DST: variants seen among roughly 807,000 people sequenced by gnomAD.
DST encodes dystonin.
A neutral mutation model predicts 875.2 loss-of-function variants in DST; 253 were observed. The ratio of observed to expected loss-of-function variants is 0.29; its 90% confidence interval spans 0.26 to 0.32. The LOEUF (loss-of-function observed/expected upper bound fraction) is 0.32, where lower values mean the gene tolerates loss of function less well. Ranked by LOEUF, DST falls within the 10% of genes least tolerant of loss-of-function variation. The pLI is 1.00. For missense variants in DST, 8,287 were observed against 9,111.6 expected, an observed-to-expected ratio of 0.91 and a Z score of 3.68; for synonymous variants, 3,124 against 3,197.1, an observed-to-expected ratio of 0.98 and a Z score of 0.77.
At chr6:56,615,248 T>C in intron 36 of DST, 1 of 1,217,368 alleles carries the variant, frequency 8.2e-7, no homozygotes. Flanking sequence ...TATCCCACAT[T>C]CTACGTAAAA....
chr6:56,633,824 A>G (rs141940153), intron 27 of DST, among the ~76,000 whole-genome samples: 36 of 152,324 alleles, frequency 2.4e-4, no homozygotes, highest in Middle Eastern at 6.8e-3. Flanking sequence ...TTTTAACGAC[A>G]AAGAAAAACA....
intron 5 of DST, among the ~76,000 whole-genome samples, chr6:56,721,113 C>A (rs1487749633): frequency 6.6e-6 from 1 of 151,374 alleles, no homozygotes; most frequent in Admixed American, 6.6e-5. Flanking sequence ...GGCGCCCCCC[C>A]ACCTCCCAGA....
chr6:56,578,932 C>T lies in DST; in HGVS notation c.12909G>A (p.Leu4303=). The change falls in exon 50 of 104, where the codon TTG becomes TTA. Residue 4303 remains leucine, a synonymous_variant. Coordinates refer to ENST00000680361, the MANE Select transcript of DST (RefSeq NM_001374736.1). Reference sequence around the variant, plus strand: ...CCTGCTGACTTGATATCTGTCCTTGCAAAGCCTGTAGGATTAAACGCTTTT... The same window carrying T: ...CCTGCTGACTTGATATCTGTCCTTGTAAAGCCTGTAGGATTAAACGCTTTT... ...LQRQLEETKA[L]QGQISSQQVA... The T allele has an allele frequency of 6.3e-7, 1 of 1,592,988 alleles. No individual in the cohort carries two copies. Among genetic ancestry groups the T allele is most frequent in the Non-Finnish European group, 8.6e-7 (1 of 1,168,560 alleles).
chr6:56,800,638 T>A (rs1259050227), intron 4 of DST, among the ~76,000 whole-genome samples: 1 of 152,098 alleles, frequency 6.6e-6, no homozygotes, highest in African/African-American at 2.4e-5. Context: ...CAAAAAGTTG[T>A]AGAGAAGCAT....
At position 56,606,402 on chromosome 6, in the gene DST, A is replaced by G. The variant is rs1356831320; in HGVS notation, c.8226T>C (p.Thr2742=). 3 of 1,613,290 alleles carry G rather than the reference A, an allele frequency of 1.9e-6. No individual in the cohort carries two copies. Among genetic ancestry groups the G allele is most frequent in the Non-Finnish European group, 1.7e-6 (2 of 1,179,600 alleles). The part of the protein sequence containing the change: ...ILEGDESDSL[T]DYDIVGGKES... ...CTTTTCCTCCTACAATATCATAATC[A>G]GTCAATGAGTCAGATTCATCACCTT... Residue 2742 remains threonine, a synonymous_variant, in exon 40 of 104, where the codon ACT becomes ACC. Coordinates refer to ENST00000680361, the MANE Select transcript of DST (RefSeq NM_001374736.1).
chr6:56,485,839 T>C (rs1288917596), intron 87 of DST, among the ~76,000 whole-genome samples: 1 of 152,168 alleles, frequency 6.6e-6, no homozygotes, highest in Non-Finnish European at 1.5e-5. Context: ...AACACATGTA[T>C]AGATTCACGT....
At chr6:56,910,050 C>T (rs1269986645) in intron 2 of DST, among the ~76,000 whole-genome samples, 1 of 152,166 alleles carries the variant, frequency 6.6e-6, no homozygotes, top group Non-Finnish European at 1.5e-5. Context: ...CAAAATATTA[C>T]CTTTTTAAAA....
chr6:56,608,444 C>G lies in DST; in HGVS notation c.6184G>C (p.Val2062Leu). 1.2e-6 allele frequency: 2 copies of G among 1,613,682 alleles called. No homozygotes were observed. The highest frequency in any genetic ancestry group is 1.7e-6 in the Non-Finnish European group (2 of 1,179,754). ...ACATAGCCTCGCTGAGCTTCCAGGA[C>G]CAGAAGAGCACTGCTGGAAGTTATT... ...DLITSSSALL[V>L]LEAQRGYVGL... Residue 2062 changes from valine (V) to leucine (L), a missense_variant, in exon 40 of 104, where the codon GTC becomes CTC. Around this residue, in one of 10 missense-constraint regions of DST, gnomAD observed 3,138 missense variants for 3,116.6 expected, o/e 1.01. Coordinates refer to ENST00000680361, the MANE Select transcript of DST (RefSeq NM_001374736.1).
chr6:56,560,149 C>T, intron 58 of DST, 145 bp downstream of exon 58: 1 of 767,718 alleles, frequency 1.3e-6, no homozygotes, highest in Non-Finnish European at 1.9e-6. Flanking sequence ...TTTGAAATGA[C>T]ACTTTATGCA....
Position 56,837,112 on chromosome 6 carries a change from G to C in DST, c.625+14285C>G, listed in dbSNP as rs140289230. ...TACTTAAAGCGCTCTACATTAAATA[G>C]AGCATTCCAGTTTTCTAGGGCACAC... On this transcript the variant is annotated intron_variant, in intron 4 of 103. Transcript: ENST00000680361. Among the ~76,000 whole-genome samples, 305 of 152,162 alleles carry C rather than the reference G, an allele frequency of 2.0e-3. 4 individuals are homozygous for C. The highest frequency in any genetic ancestry group is 0.017 in the Admixed American group (265 of 15,292).
At chr6:56,530,226 A>G (rs998722675) in intron 64 of DST, 93 bp from the exon 65 acceptor site, 4 of 940,250 alleles carry the variant, frequency 4.3e-6, no homozygotes, top group Non-Finnish European at 5.8e-6. Context: ...TATTCTAAAC[A>G]TTTTCTGTAG....
rs1275672724 is a variant in DST at position 56,610,510 on chromosome 6, C to T, written c.5200G>A (p.Glu1734Lys). 6 of 1,565,640 alleles carry T rather than the reference C, an allele frequency of 3.8e-6. No homozygotes were observed. The Admixed American group carries it at 9.5e-5, about 25-fold the overall frequency. Residue 1734 changes from glutamate (E) to lysine (K), a missense_variant, in exon 39 of 104, where the codon GAA (glutamate) becomes AAA (lysine). Transcript: ENST00000680361. ...ELEKQVKTLQESYNLLFSESL... is the reference protein window; with the variant it reads ...ELEKQVKTLQKSYNLLFSESL... ...TCACTGAATAATAAATTATAACTTT[C>T]CTGAAGAGTTTTCACTTGTTTTTCC...
At chr6:56,828,483 ACTTCTG>A (rs1414050490) in intron 4 of DST, among the ~76,000 whole-genome samples, 2 of 152,086 alleles carry the variant, frequency 1.3e-5, no homozygotes, top group African/African-American at 2.4e-5. Flanking sequence ...TGATATCACT[ACTTCTG>A]TCTTTGCTAT....
intron 61 of DST, among the ~76,000 whole-genome samples, chr6:56,551,107 T>C (rs73455776): frequency 8.9e-4 from 136 of 152,212 alleles, no homozygotes; most frequent in African/African-American, 3.2e-3. Flanking sequence ...CAAATAATCA[T>C]AACTAATAAC....
chr6:56,493,452 T>C (rs2095813945), intron 83 of DST, among the ~76,000 whole-genome samples: 1 of 152,182 alleles, frequency 6.6e-6, no homozygotes, highest in Non-Finnish European at 1.5e-5. Context: ...TACTTTATGC[T>C]CCATCAGTGA....
chr6:56,461,458 C>T (rs941030991), intron 102 of DST: 20 of 152,280 alleles, frequency 1.3e-4, no homozygotes, highest in Admixed American at 6.5e-4. Flanking sequence ...CTCAACAACA[C>T]GAGGGAGTGA....
At chr6:56,924,022 G>T (rs944975051) in intron 2 of DST, among the ~76,000 whole-genome samples, 1 of 152,124 alleles carries the variant, frequency 6.6e-6, no homozygotes, top group Non-Finnish European at 1.5e-5. Context: ...TACTTAGGAG[G>T]CTGAGGCAAT....
intron 59 of DST, 126 bp from the exon 60 acceptor site, chr6:56,555,966 C>G (rs1238357969): frequency 2.0e-6 from 2 of 1,003,244 alleles, no homozygotes; most frequent in Non-Finnish European, 2.8e-6. Flanking sequence ...TTATCACTTT[C>G]CTACTTTTTA....
intron 36 of DST, chr6:56,616,056 C>T (rs2098613613): frequency 6.2e-7 from 1 of 1,614,202 alleles, no homozygotes; most frequent in Non-Finnish European, 8.5e-7. Context: ...ATCCGATCAA[C>T]CAAATTTCTA....
Sources: gnomAD v4.1 joint callset for allele counts (sites outside exome capture counted in the v4.1 genomes callset) on GRCh38, gnomAD v4.1.1 for gene constraint, gnomAD v4.1.1 regional missense constraint, MANE v1.5 for transcripts, NCBI Gene and HGNC (gene_info 2026-07-23, HGNC 2026-07-21) for gene names.